IMPACT: variants seen among roughly 807,000 people sequenced by gnomAD.
IMPACT encodes impact RWD domain protein, also known as protein IMPACT.
Under a neutral mutation model 47.5 loss-of-function variants are expected in IMPACT, and 35 were observed. The ratio of observed to expected loss-of-function variants is 0.74; its 90% CI spans 0.56 to 0.98. The LOEUF (loss-of-function observed/expected upper bound fraction) is 0.98. IMPACT is among the 50% of genes least tolerant of loss of function. IMPACT has a pLI of 0.00. For missense variants in IMPACT, 373 were observed against 394.8 expected (o/e 0.94, Z 0.47); for synonymous variants, 118 against 125.6 (o/e 0.94, Z 0.40).
chr18:24,433,789 G>A (rs1294817211), intron 4 of IMPACT, among the ~76,000 whole-genome samples: 5 of 150,024 alleles, frequency 3.3e-5, no homozygotes, highest in African/African-American at 1.2e-4. Context: ...TTGTACCTCA[G>A]CCTCCTGAGT....
intron 4 of IMPACT, among the ~76,000 whole-genome samples, chr18:24,431,033 C>G (rs966930970): frequency 6.6e-6 from 1 of 152,248 alleles, no homozygotes; most frequent in Non-Finnish European, 1.5e-5. Context: ...TGTACTAGAT[C>G]CTGGGTGCAG....
intron 7 of IMPACT, 86 bp from the exon 8 acceptor site, chr18:24,445,307 A>G: frequency 3.8e-6 from 3 of 793,486 alleles, no homozygotes; most frequent in East Asian, 2.6e-5. Flanking sequence ...TTATTTTAAT[A>G]CAGCATGCTT....
At chr18:24,434,749 G>A (rs1328500079) in intron 4 of IMPACT, among the ~76,000 whole-genome samples, 2 of 106,624 alleles carry the variant, frequency 1.9e-5, no homozygotes, top group South Asian at 2.9e-4. Context: ...GGCAACAAGA[G>A]CAAAACTCTG....
chr18:24,443,615 T>A (rs1909173166), intron 7 of IMPACT, among the ~76,000 whole-genome samples: 2 of 152,226 alleles, frequency 1.3e-5, no homozygotes, highest in Non-Finnish European at 1.5e-5. Flanking sequence ...ATTTGTCCTG[T>A]CGAATGGGAG....
rs148233447 is a variant in IMPACT, at chr18:24,443,056, A to G, written c.498A>G (p.Glu166=). 112 of 1,550,036 alleles carry G rather than the reference A, an allele frequency of 7.2e-5. No individual in the cohort carries two copies. The African/African-American group carries it at 1.3e-3, about 17-fold the overall frequency. Residue 166 remains glutamate, a synonymous_variant, in exon 7 of 11, where the codon GAA becomes GAG. Coordinates refer to ENST00000284202, the MANE Select transcript of IMPACT (RefSeq NM_018439.4). The part of the protein sequence containing the change: ...FDISETRTEV[E]VEELPPIDHG... ...TTTCTTTTACATTTCTAGAAGTAGA[A>G]GTAGAAGAATTACCTCCGATTGATC...
chr18:24,427,064 A>AG, intron 1 of IMPACT: 1 of 376,004 alleles, frequency 2.7e-6, no homozygotes, highest in Non-Finnish European at 4.7e-6. Context: ...TCTGGGCCGA[A>AG]GGCAAAAACC....
chr18:24,445,313 T>C (rs757960948), intron 7 of IMPACT, 80 bp from the exon 8 acceptor site: 135 of 828,000 alleles, frequency 1.6e-4, no homozygotes, highest in Non-Finnish European at 2.4e-4. Flanking sequence ...TAATACAGCA[T>C]GCTTCAAGGT....
intron 1 of IMPACT, chr18:24,427,281 G>A (rs965882783): frequency 6.3e-6 from 1 of 157,602 alleles, no homozygotes; most frequent in Non-Finnish European, 1.4e-5. Context: ...ACAGGGCTGT[G>A]AGTACAAAAT....
At chr18:24,437,926 A>ATTT in intron 4 of IMPACT, 29 bp from the exon 5 acceptor site, 1 of 1,052,676 alleles carries the variant, frequency 9.5e-7, no homozygotes, top group Non-Finnish European at 1.4e-6. Flanking sequence ...TGAAATAACA[A>ATTT]TTTTTTTTTT....
At chr18:24,432,676 C>T (rs180781023) in intron 4 of IMPACT, among the ~76,000 whole-genome samples, 12 of 152,090 alleles carry the variant, frequency 7.9e-5, no homozygotes, top group African/African-American at 2.9e-4. Flanking sequence ...CTATAATCCT[C>T]TCATATTTGC....
intron 7 of IMPACT, among the ~76,000 whole-genome samples, chr18:24,444,241 T>G (rs17203265): frequency 0.083 from 12,718 of 152,316 alleles, 795 homozygotes; most frequent in Admixed American, 0.21. Flanking sequence ...TCTTTCTGTT[T>G]CTGATCACAG....
chr18:24,434,763 C>CAA (rs1189196177), intron 4 of IMPACT, among the ~76,000 whole-genome samples: 1,640 of 45,118 alleles, frequency 0.036, 156 homozygotes, highest in African/African-American at 0.12. Context: ...AACTCTGTCT[C>CAA]AAAAAAAAAA....
At chr18:24,435,887 GA>G (rs1555666607) in intron 4 of IMPACT, among the ~76,000 whole-genome samples, 6 of 151,908 alleles carry the variant, frequency 3.9e-5, no homozygotes, top group Admixed American at 6.6e-5. Flanking sequence ...TGTCTTCTTT[GA>G]TGCTGTGTTT....
chr18:24,435,342 GTAAA>G (rs939619796), intron 4 of IMPACT: 1 of 152,078 alleles, frequency 6.6e-6, no homozygotes, highest in African/African-American at 2.4e-5. Flanking sequence ...AAAACAAAAA[GTAAA>G]TACACTTAAA....
rs1419268932 is a variant in IMPACT, at chr18:24,427,151, A to C, written c.36+359A>C. ...TAAGAATTCGGGTTTCCCCCTTTGCAAAATGGCAATAGCCCAGACCCTGCA... is the reference window on the plus strand; with the variant it reads ...TAAGAATTCGGGTTTCCCCCTTTGCCAAATGGCAATAGCCCAGACCCTGCA... On this transcript the variant is annotated intron_variant, in intron 1 of 10. Coordinates refer to ENST00000284202, the MANE Select transcript of IMPACT (RefSeq NM_018439.4). The C allele has an allele frequency of 1.7e-5, 4 of 238,174 alleles. No individual in the cohort carries two copies. In the South Asian group the frequency reaches 5.3e-4, roughly 32 times the overall value. 14.8% of individuals were successfully genotyped at this position (238,174 alleles called of 1,614,324 possible).
rs1908617162 is a variant in IMPACT, at chr18:24,426,737, AG to A, written c.-17del. 1.6e-6 allele frequency: 2 copies of A among 1,246,472 alleles called. No individual in the cohort carries two copies. The allele number at this position is 1,246,472 out of a possible 1,614,324, so 77.2% of individuals were successfully genotyped here. Reference sequence around the variant, plus strand: ...TCCGGACCTGGCAGGCGGCGGCTGCAGGGCAGGTCCAGGGGCCACATGGCTG... The same window carrying A: ...TCCGGACCTGGCAGGCGGCGGCTGCAGGCAGGTCCAGGGGCCACATGGCTG... On this transcript the variant is annotated 5_prime_UTR_variant, in exon 1 of 11. Coordinates refer to ENST00000284202, the MANE Select transcript of IMPACT (RefSeq NM_018439.4).
At chr18:24,450,712 T>G (rs1400454355) in intron 10 of IMPACT, 67 bp from the exon 11 acceptor site, 1 of 953,424 alleles carries the variant, frequency 1.0e-6, no homozygotes, top group African/African-American at 1.6e-5. Flanking sequence ...ATATTCTAAG[T>G]GATTAGATTG....
rs867920971 is a variant in IMPACT at position 24,435,808 on chromosome 18, G to T, written c.282-2147G>T. Reference sequence around the variant, plus strand: ...ATTTCTCTTTGTGAGTAGGCCATCTGTGTTTACTAATAGGTACCCGTTGAA... The same window carrying T: ...ATTTCTCTTTGTGAGTAGGCCATCTTTGTTTACTAATAGGTACCCGTTGAA... On this transcript the variant is annotated intron_variant, in intron 4 of 10. Transcript: ENST00000284202. Among the ~76,000 whole-genome samples the T allele has an allele frequency of 9.2e-5, 14 of 152,194 alleles. 1 individual carries two copies. Among genetic ancestry groups the T allele is most frequent in the Non-Finnish European group, 1.6e-4 (11 of 68,038 alleles).
Position 24,453,433 on chromosome 18 carries a change from G to T in IMPACT, c.*2586G>T, listed in dbSNP as rs928827803. ...TGGTTATTTTTCTTTCCATAAAAATGGTATTAAACTGTATATACTGTTTTG... is the reference window on the plus strand; with the variant it reads ...TGGTTATTTTTCTTTCCATAAAAATTGTATTAAACTGTATATACTGTTTTG... On this transcript the variant is annotated 3_prime_UTR_variant, in exon 11 of 11. Transcript: ENST00000284202. 6.6e-6 allele frequency: 1 copy of T among 151,884 alleles called. No homozygotes were observed. The highest frequency in any genetic ancestry group is 1.5e-5 in the Non-Finnish European group (1 of 67,962). The allele number at this position is 151,884 out of a possible 1,614,324, so 9.4% of individuals were successfully genotyped here.
Sources: allele counts gnomAD v4.1 joint callset (sites outside exome capture counted in the v4.1 genomes callset), GRCh38; gene constraint gnomAD v4.1.1; transcripts MANE v1.5; gene names NCBI Gene and HGNC (gene_info 2026-07-23, HGNC 2026-07-21).